Variants in CBFA2T3 observed in about 807,000 individuals in gnomAD.
The protein encoded by CBFA2T3 is transcriptional corepressor CBFA2T3.
A neutral mutation model predicts 58.6 loss-of-function variants in CBFA2T3; 31 were observed. That is an observed-to-expected ratio of 0.53 (90% CI 0.40 to 0.71). The LOEUF (loss-of-function observed/expected upper bound fraction) is 0.71, where lower values mean the gene tolerates loss of function less well. Among genes scored for constraint, CBFA2T3 ranks in the 30% least tolerant of loss-of-function variants. The probability of loss-of-function intolerance (pLI) is 0.00; values close to 1 mark genes in which losing one functional copy is unlikely to be tolerated. For synonymous variants in CBFA2T3, 531 were observed against 421.9 expected (o/e 1.26, Z -3.17); for missense variants, 1,076 against 963.1 (o/e 1.12, Z -1.55).
chr16:88,886,241 A>T, intron 5 of CBFA2T3, 99 bp from the exon 6 acceptor site: 1 of 854,472 alleles, frequency 1.2e-6, no homozygotes, highest in East Asian at 3.1e-5. Context: ...CGAAAGCTCA[A>T]CTTGACCTCG....
At chr16:88,918,996 T>C (rs1051369178) in intron 1 of CBFA2T3, among the ~76,000 whole-genome samples, 2 of 152,262 alleles carry the variant, frequency 1.3e-5, no homozygotes, top group East Asian at 3.8e-4. Context: ...CTGCTAGCCT[T>C]AATAAAGAAA....
chr16:88,909,750 C>T (rs916185243), intron 1 of CBFA2T3, among the ~76,000 whole-genome samples: 1 of 152,184 alleles, frequency 6.6e-6, no homozygotes, highest in Non-Finnish European at 1.5e-5. Context: ...GATGGACGAC[C>T]CCGCACCCAC....
intron 1 of CBFA2T3, among the ~76,000 whole-genome samples, chr16:88,904,733 G>C (rs74035891): frequency 0.013 from 1,959 of 152,316 alleles, 43 homozygotes; most frequent in African/African-American, 0.045. Flanking sequence ...CGGATTGTGC[G>C]GGGGCAGCTG....
intron 5 of CBFA2T3, among the ~76,000 whole-genome samples, chr16:88,887,378 T>TC (rs1254153131): frequency 2.6e-5 from 4 of 152,098 alleles, no homozygotes; most frequent in Admixed American, 1.3e-4. Flanking sequence ...CCCAGGGGCC[T>TC]CCTCTTGGTC....
chr16:88,909,237 G>C (rs1488754808), intron 1 of CBFA2T3, among the ~76,000 whole-genome samples: 1 of 152,234 alleles, frequency 6.6e-6, no homozygotes, highest in Non-Finnish European at 1.5e-5. Flanking sequence ...GAGATGCTCA[G>C]GACAGGTCCA....
chr16:88,958,072 C>T lies in CBFA2T3; in HGVS notation c.151+18585G>A, dbSNP rs561668437. Among the ~76,000 whole-genome samples the T allele has an allele frequency of 3.9e-5, 6 of 152,312 alleles. No individual in the cohort carries two copies. Among genetic ancestry groups the T allele is most frequent in the East Asian group, 1.9e-4 (1 of 5,172 alleles). On this transcript the variant is annotated intron_variant, in intron 1 of 11. Coordinates refer to ENST00000268679, the MANE Select transcript of CBFA2T3 (RefSeq NM_005187.6). This position sits in a 1 kb window ranked among gnomAD's most constrained non-coding sequence, Gnocchi z 4.0. ...TACCTGTGAGCTGCTCACAATCCCT[C>T]GCTCACAGAGAGGCCACGGAACTTT... is the stretch of plus-strand genomic sequence containing the variant.
At chr16:88,925,127 T>G (rs116635103) in intron 1 of CBFA2T3, among the ~76,000 whole-genome samples, 1 of 152,196 alleles carries the variant, frequency 6.6e-6, no homozygotes, top group African/African-American at 2.4e-5. Context: ...GACACCGAGC[T>G]CGCTGACCCT....
rs947850183 is a variant in CBFA2T3, at chr16:88,937,013, A to G, written c.152-35357T>C. The G allele has an allele frequency of 4.6e-5, 7 of 151,990 alleles. No individual in the cohort carries two copies. In the East Asian group the frequency reaches 1.4e-3, roughly 29 times the overall value. 9.4% of individuals were successfully genotyped at this position (151,990 alleles called of 1,614,324 possible). ...TACAAGGGCGGTTTCCACTCCAGGA[A>G]TTTTTTTTCCAGACAAGCAAAGCCC... is the stretch of plus-strand genomic sequence containing the variant. On this transcript the variant is annotated intron_variant, in intron 1 of 11. Coordinates refer to ENST00000268679, the MANE Select transcript of CBFA2T3 (RefSeq NM_005187.6).
At position 88,929,691 on chromosome 16, in the gene CBFA2T3, TGC is replaced by T. The variant is rs1396126154; in HGVS notation, c.152-28037_152-28036del. 2.0e-3 allele frequency among the ~76,000 whole-genome samples: 292 copies of T among 146,602 alleles called. 5 individuals are homozygous for T. Among genetic ancestry groups the T allele is most frequent in the African/African-American group, 7.1e-3 (274 of 38,748 alleles). The stretch of plus-strand genomic sequence containing the variant: ...CGCAAAAACTACCAATACCCACAGC[TGC>T]GTGGTCCACGCAAAAACTACCAATA... On this transcript the variant is annotated intron_variant, in intron 1 of 11. Coordinates refer to ENST00000268679, the MANE Select transcript of CBFA2T3 (RefSeq NM_005187.6).
At chr16:88,914,979 TGGGGGTGGGGGTGTGGCTGCCAGCC>T (rs934942465) in intron 1 of CBFA2T3, among the ~76,000 whole-genome samples, 5 of 41,248 alleles carry the variant, frequency 1.2e-4, no homozygotes, top group African/African-American at 4.6e-4. Context: ...CGGGGCGGGG[TGGGGGTGGGGGTGTGGCTGCCAGCC>T]GGGGGCAGGG....
At chr16:88,926,964 A>AGGT (rs1199887835) in intron 1 of CBFA2T3, among the ~76,000 whole-genome samples, 2 of 151,864 alleles carry the variant, frequency 1.3e-5, no homozygotes, top group African/African-American at 4.8e-5. Context: ...CTGGTCCTGG[A>AGGT]GGTGGCGGCA....
intron 1 of CBFA2T3, among the ~76,000 whole-genome samples, chr16:88,909,252 G>T (rs1219550200): frequency 6.6e-6 from 1 of 152,188 alleles, no homozygotes; most frequent in Non-Finnish European, 1.5e-5. Context: ...GGTCCAGGAC[G>T]GGCTCTGGAC....
Position 88,885,871 on chromosome 16 carries a change from A to C in CBFA2T3, c.893+90T>G. On this transcript the variant is annotated intron_variant, in intron 6 of 11. Coordinates refer to ENST00000268679, the MANE Select transcript of CBFA2T3 (RefSeq NM_005187.6). The surrounding 1 kb of genome is among the most constrained non-coding windows in gnomAD (Gnocchi z 5.3). ...AGCCGGCCGGGCTGGCTGCAGCCCCAGAGGAGGTTCCCTCTCTTACCCAGA... is the reference window on the plus strand; with the variant it reads ...AGCCGGCCGGGCTGGCTGCAGCCCCCGAGGAGGTTCCCTCTCTTACCCAGA... 8.3e-7 allele frequency: 1 copy of C among 1,198,606 alleles called. No homozygotes were observed. Among genetic ancestry groups the C allele is most frequent in the Non-Finnish European group, 1.2e-6 (1 of 853,778 alleles). 74.2% of individuals were successfully genotyped at this position (1,198,606 alleles called of 1,614,324 possible).
chr16:88,904,343 C>G (rs905433141), intron 1 of CBFA2T3, among the ~76,000 whole-genome samples: 2 of 152,084 alleles, frequency 1.3e-5, no homozygotes, highest in Non-Finnish European at 1.5e-5. Context: ...GCGGCTGATG[C>G]TGCCATCAGC....
At chr16:88,887,562 A>G (rs1567580812) in intron 5 of CBFA2T3, among the ~76,000 whole-genome samples, 1 of 152,146 alleles carries the variant, frequency 6.6e-6, no homozygotes, top group African/African-American at 2.4e-5. Flanking sequence ...AAGGGTGCAG[A>G]GAACCCAGGA....
intron 1 of CBFA2T3, among the ~76,000 whole-genome samples, chr16:88,917,068 T>A: frequency 7.3e-6 from 1 of 137,924 alleles, no homozygotes; most frequent in Non-Finnish European, 1.5e-5. Flanking sequence ...CGTGACTCTG[T>A]CTCAAAAAAA....
chr16:88,877,311 C>G, intron 11 of CBFA2T3, 36 bp from the exon 12 acceptor site: 1 of 1,508,136 alleles, frequency 6.6e-7, no homozygotes, highest in Admixed American at 2.1e-5. Flanking sequence ...AGGGCTGGGT[C>G]TGGCCACCCG....
intron 1 of CBFA2T3, among the ~76,000 whole-genome samples, chr16:88,903,777 G>A (rs1336388614): frequency 1.3e-5 from 2 of 152,104 alleles, no homozygotes; most frequent in African/African-American, 4.8e-5. Context: ...GAAGGGAGCA[G>A]GCAGGGATGT....
chr16:88,910,234 C>T (rs1386377664), intron 1 of CBFA2T3, among the ~76,000 whole-genome samples: 1 of 152,240 alleles, frequency 6.6e-6, no homozygotes, highest in Non-Finnish European at 1.5e-5. Flanking sequence ...CTCATCCTCA[C>T]ACCTTTGCTG....
Sources: gnomAD v4.1 joint callset for allele counts (sites outside exome capture counted in the v4.1 genomes callset) on GRCh38, gnomAD v4.1.1 for gene constraint, Gnocchi (gnomAD v3.1) non-coding constraint, MANE v1.5 for transcripts, NCBI Gene and HGNC (gene_info 2026-07-23, HGNC 2026-07-21) for gene names.